The following RANBP3 variants were observed in gnomAD, a reference collection of about 807,000 sequenced individuals.
RANBP3 encodes ran-binding protein 3.
Under a neutral mutation model 77.3 loss-of-function variants are expected in RANBP3, and 14 were observed. The observed-to-expected ratio is 0.18, with a 90% CI of 0.12 to 0.28. RANBP3 has a LOEUF of 0.28. RANBP3 is among the 10% of genes least tolerant of loss of function. The pLI is 1.00. For missense variants in RANBP3, 586 were observed against 752.3 expected (o/e 0.78, Z 2.59); for synonymous variants, 315 against 312.4 (o/e 1.01, Z -0.09).
intron 1 of RANBP3, chr19:5,965,715 T>C (rs1020287151): frequency 6.6e-5 from 10 of 152,240 alleles, no homozygotes; most frequent in Admixed American, 5.9e-4. Context: ...GAAGAAGGGT[T>C]GTAGAATCCT....
At chr19:5,962,417 G>A (rs2058415182) in intron 1 of RANBP3, among the ~76,000 whole-genome samples, 1 of 151,626 alleles carries the variant, frequency 6.6e-6, no homozygotes, top group African/African-American at 2.4e-5. Context: ...AGAAAGTGGG[G>A]CCTCGTCTGT....
intron 5 of RANBP3, among the ~76,000 whole-genome samples, chr19:5,940,958 G>C (rs373997074): frequency 9.8e-5 from 15 of 152,350 alleles, no homozygotes; most frequent in African/African-American, 3.6e-4. Context: ...TCCTGTACCA[G>C]CCTGCATGAG....
At chr19:5,954,363 T>C (rs1427193105) in intron 2 of RANBP3, among the ~76,000 whole-genome samples, 2 of 152,152 alleles carry the variant, frequency 1.3e-5, no homozygotes, top group Non-Finnish European at 2.9e-5. Flanking sequence ...ATTTAAAACA[T>C]GGACTATATA....
chr19:5,956,994 T>C (rs900711891), intron 2 of RANBP3, among the ~76,000 whole-genome samples: 1 of 151,168 alleles, frequency 6.6e-6, no homozygotes, highest in Admixed American at 6.6e-5. Context: ...TGGGCATCAG[T>C]GGGACTGCTG....
chr19:5,941,894 A>C (rs2145140047), intron 3 of RANBP3, 59 bp from the exon 4 acceptor site: 1 of 1,594,980 alleles, frequency 6.3e-7, no homozygotes, highest in African/African-American at 1.3e-5. Flanking sequence ...CAGCCGAGCA[A>C]CTCTCGGGGC....
rs2058370837 is a variant in RANBP3 at position 5,959,192 on chromosome 19, T to C, written c.23-1219A>G. On this transcript the variant is annotated intron_variant, in intron 1 of 16. Transcript: ENST00000340578. This position sits in a 1 kb window ranked among gnomAD's most constrained non-coding sequence, Gnocchi z 5.1. ...TGGGGCCAGGGGCAGGCGGTGGGCATGCTGACTTGCTGGGGAAATGTCATA... is the reference window on the plus strand; with the variant it reads ...TGGGGCCAGGGGCAGGCGGTGGGCACGCTGACTTGCTGGGGAAATGTCATA... Among the ~76,000 whole-genome samples the C allele has an allele frequency of 6.6e-6, 1 of 152,064 alleles. No individual in the cohort carries two copies. The highest frequency in any genetic ancestry group is 6.5e-5 in the Admixed American group (1 of 15,278).
chr19:5,918,284 C>A (rs935301389), intron 15 of RANBP3: 11 of 651,556 alleles, frequency 1.7e-5, no homozygotes, highest in Admixed American at 6.3e-5. Context: ...CAAACCCCAG[C>A]GGCTTCTCTG....
intron 9 of RANBP3, among the ~76,000 whole-genome samples, chr19:5,926,089 C>G (rs77604270): frequency 0.019 from 2,948 of 152,256 alleles, 94 homozygotes; most frequent in African/African-American, 0.068. Flanking sequence ...GGGGGGTTTA[C>G]TATGAACATG....
Position 5,973,538 on chromosome 19 carries a change from G to A in RANBP3, c.22+4523C>T, listed in dbSNP as rs117990933. Among the ~76,000 whole-genome samples, 352 of 152,342 alleles carry A rather than the reference G, an allele frequency of 2.3e-3. 2 individuals are homozygous for A. Among genetic ancestry groups the A allele is most frequent in the Non-Finnish European group, 4.0e-3 (274 of 68,030 alleles). Reference sequence around the variant, plus strand: ...AACAGAGAATTACCTGGCCCCAGATGTCTGTAGTGCTCAGGCTGGGATCCC... The same window carrying A: ...AACAGAGAATTACCTGGCCCCAGATATCTGTAGTGCTCAGGCTGGGATCCC... On this transcript the variant is annotated intron_variant, in intron 1 of 16. Transcript: ENST00000340578.
intron 1 of RANBP3, among the ~76,000 whole-genome samples, chr19:5,977,706 G>A (rs1254481645): frequency 6.6e-6 from 1 of 152,236 alleles, no homozygotes; most frequent in African/African-American, 2.4e-5. Context: ...GCCACAACCA[G>A]GCCCTAAGGT....
chr19:5,941,906 G>GT (rs1555757430), intron 3 of RANBP3, 71 bp from the exon 4 acceptor site: 8 of 1,561,002 alleles, frequency 5.1e-6, no homozygotes, highest in Non-Finnish European at 7.0e-6. Context: ...TCTCGGGGCC[G>GT]TAACAAATAT....
rs375348407 is a variant in RANBP3 at position 5,918,006 on chromosome 19, C to A, written c.1474-26G>T. 2.6e-6 allele frequency: 4 copies of A among 1,557,892 alleles called. No individual in the cohort carries two copies. The African/African-American group carries it at 4.1e-5, about 16-fold the overall frequency. On this transcript the variant is annotated intron_variant, in intron 15 of 16. Coordinates refer to ENST00000340578, the MANE Select transcript of RANBP3 (RefSeq NM_007322.3). Reference sequence around the variant, plus strand: ...CTGGGAAGGGAGGAGGGTATGAGACCCCCGGACCCCAGTCCTACCCCCTCC... The same window carrying A: ...CTGGGAAGGGAGGAGGGTATGAGACACCCGGACCCCAGTCCTACCCCCTCC...
At chr19:5,936,320 C>T (rs2058063955) in intron 5 of RANBP3, among the ~76,000 whole-genome samples, 2 of 152,234 alleles carry the variant, frequency 1.3e-5, no homozygotes, top group South Asian at 4.1e-4. Flanking sequence ...AAGGGAGGCA[C>T]CCACGTGCCC....
In RANBP3 at chr19:5,916,672, G is replaced by A. The variant is rs1360490077; in HGVS notation, c.*938C>T. 2.0e-5 allele frequency: 3 copies of A among 152,514 alleles called. No homozygotes were observed. Among genetic ancestry groups the A allele is most frequent in the African/African-American group, 7.2e-5 (3 of 41,468 alleles). The allele number at this position is 152,514 out of a possible 1,614,324, so 9.4% of individuals were successfully genotyped here. A position where few individuals can be genotyped will look rare whatever the true frequency, so the allele number is the denominator to read the frequency against. ...CTGTCCTGGGGGCAGGGACACCTGT[G>A]GCTGGGGAAGGGATGGCCAACAGCG... is the stretch of plus-strand genomic sequence containing the variant. On this transcript the variant is annotated 3_prime_UTR_variant, in exon 17 of 17. Transcript: ENST00000340578.
At chr19:5,946,555 C>T (rs1370458543) in intron 3 of RANBP3, among the ~76,000 whole-genome samples, 4 of 152,212 alleles carry the variant, frequency 2.6e-5, no homozygotes, top group Non-Finnish European at 5.9e-5. Context: ...CAGCAACTCT[C>T]CACTAAGACC....
chr19:5,976,020 A>G (rs997601965), intron 1 of RANBP3, among the ~76,000 whole-genome samples: 2 of 152,142 alleles, frequency 1.3e-5, no homozygotes, highest in Non-Finnish European at 2.9e-5. Context: ...ACGGGGGCTA[A>G]GCATTGACGG....
chr19:5,943,141 G>A (rs950275198), intron 3 of RANBP3, among the ~76,000 whole-genome samples: 3 of 152,198 alleles, frequency 2.0e-5, no homozygotes, highest in African/African-American at 4.8e-5. Flanking sequence ...AGTGAGGGCC[G>A]CTCCTCCTGG....
chr19:5,940,225 CTT>C (rs1438497012), intron 5 of RANBP3, among the ~76,000 whole-genome samples: 1 of 152,192 alleles, frequency 6.6e-6, no homozygotes, highest in East Asian at 1.9e-4. Flanking sequence ...TCCCTCGCCT[CTT>C]TAGCCTACAT....
At chr19:5,926,357 T>C (rs2057909856) in intron 9 of RANBP3, among the ~76,000 whole-genome samples, 1 of 152,088 alleles carries the variant, frequency 6.6e-6, no homozygotes, top group Admixed American at 6.5e-5. Context: ...GAGACCAGCC[T>C]GGCCAACATG....
Sources: gnomAD v4.1 joint callset for allele counts (sites outside exome capture counted in the v4.1 genomes callset) on GRCh38, gnomAD v4.1.1 for gene constraint, Gnocchi (gnomAD v3.1) non-coding constraint, MANE v1.5 for transcripts, NCBI Gene and HGNC (gene_info 2026-07-23, HGNC 2026-07-21) for gene names.